The following SLC22A15 variants were observed in gnomAD, a reference collection of about 807,000 sequenced individuals.
The protein encoded by SLC22A15 is flipt 1.
SLC22A15 carries 45 observed loss-of-function variants against 62.7 expected under a neutral mutation model. That is an observed-to-expected ratio of 0.72 (90% confidence interval 0.56 to 0.92). SLC22A15 has a LOEUF of 0.92. Among genes scored for constraint, SLC22A15 ranks in the 40% least tolerant of loss-of-function variants. The probability of loss-of-function intolerance (pLI) is 0.00; values close to 1 mark genes in which losing one functional copy is unlikely to be tolerated. For synonymous variants in SLC22A15, 264 were observed against 267.0 expected (o/e 0.99, Z 0.11); for missense variants, 622 against 665.6 (o/e 0.93, Z 0.72).
intron 3 of SLC22A15, among the ~76,000 whole-genome samples, chr1:116,020,481 G>A (rs1459255530): frequency 1.3e-4 from 20 of 151,494 alleles, no homozygotes; most frequent in Admixed American, 3.3e-4. Context: ...GTGTGAACCC[G>A]GGAGGCGGAG....
intron 8 of SLC22A15, among the ~76,000 whole-genome samples, chr1:116,053,659 G>T (rs574026226): frequency 7.4e-4 from 113 of 152,256 alleles, no homozygotes; most frequent in Non-Finnish European, 1.2e-3. Flanking sequence ...AGAGAGAAAG[G>T]TTGGGTTACC....
chr1:116,014,680 T>C (rs956981664), intron 2 of SLC22A15, among the ~76,000 whole-genome samples: 1 of 152,198 alleles, frequency 6.6e-6, no homozygotes, highest in African/African-American at 2.4e-5. Context: ...TAATACGAAA[T>C]TCATCACCTT....
At position 116,019,601 on chromosome 1, in the gene SLC22A15, G is replaced by C. The variant is rs1380495777; in HGVS notation, c.320G>C (p.Arg107Thr). 1 of 1,607,048 alleles carries C rather than the reference G, an allele frequency of 6.2e-7. No individual in the cohort carries two copies. The highest frequency in any genetic ancestry group is 8.5e-7 in the Non-Finnish European group (1 of 1,178,200). ...IASEWFLIAN[R>T]SYKVSAASSF... The stretch of plus-strand genomic sequence containing the variant: ...CTCTAGTGGTTTTTAATTGCCAACA[G>C]ATCCTACAAAGTCAGTGCAGCAAGC... The change falls in exon 3 of 12, where the codon AGA becomes ACA. Residue 107 changes from arginine (R) to threonine (T), a missense_variant. By Grantham distance (71) the Arg-to-Thr change is moderately conservative (BLOSUM62 -1). Transcript: ENST00000369503.
At chr1:116,034,364 G>A (rs1239202697) in intron 6 of SLC22A15, among the ~76,000 whole-genome samples, 1 of 152,128 alleles carries the variant, frequency 6.6e-6, no homozygotes, top group East Asian at 1.9e-4. Flanking sequence ...GTTTGAGGAA[G>A]CCCTGATTTG....
At chr1:116,030,138 C>G (rs1465760067) in intron 5 of SLC22A15, among the ~76,000 whole-genome samples, 1 of 152,158 alleles carries the variant, frequency 6.6e-6, no homozygotes, top group Non-Finnish European at 1.5e-5. Context: ...GGCCTTTGTT[C>G]CTGCTTTTGC....
chr1:116,066,374 G>A, intron 10 of SLC22A15, 146 bp from the exon 11 acceptor site: 5 of 624,804 alleles, frequency 8.0e-6, no homozygotes, highest in Non-Finnish European at 1.3e-5. Context: ...TCTTTATGTG[G>A]AAAGAAGTGG....
intron 2 of SLC22A15, among the ~76,000 whole-genome samples, chr1:116,009,130 C>T (rs146966404): frequency 6.6e-6 from 1 of 152,096 alleles, no homozygotes. Context: ...CTCAGAGCCC[C>T]GCAACCACCT....
At chr1:116,043,261 TA>T (rs1657837285) in intron 8 of SLC22A15, among the ~76,000 whole-genome samples, 1 of 152,044 alleles carries the variant, frequency 6.6e-6, no homozygotes, top group African/African-American at 2.4e-5. Context: ...CTGTCTCTAA[TA>T]AAAATACAAA....
intron 9 of SLC22A15, 57 bp from the exon 10 acceptor site, chr1:116,064,379 G>A (rs1658448762): frequency 2.3e-6 from 3 of 1,311,492 alleles, no homozygotes; most frequent in Non-Finnish European, 3.3e-6. Flanking sequence ...TGCCCCCCAA[G>A]GGTCTCTTAA....
At chr1:116,009,609 A>G (rs544494238) in intron 2 of SLC22A15, among the ~76,000 whole-genome samples, 7 of 152,296 alleles carry the variant, frequency 4.6e-5, no homozygotes, top group East Asian at 1.9e-4. Context: ...CCTTATTACA[A>G]TGAAGTGCAG....
At position 115,992,875 on chromosome 1, in the gene SLC22A15, T is replaced by C. The variant is rs137988726; in HGVS notation, c.300+632T>C. ...TCCTGACTCAGGTGATCCACCCACC[T>C]CGGCCTCCCAAAGTGCTGGGATTAC... On this transcript the variant is annotated intron_variant, in intron 2 of 11. Transcript: ENST00000369503. Among the ~76,000 whole-genome samples the C allele has an allele frequency of 9.3e-4, 142 of 152,256 alleles. No individual in the cohort carries two copies. In the East Asian group the frequency reaches 0.013, roughly 14 times the overall value.
At chr1:115,989,749 C>T (rs1161730480) in intron 1 of SLC22A15, among the ~76,000 whole-genome samples, 2 of 150,786 alleles carry the variant, frequency 1.3e-5, no homozygotes, top group Non-Finnish European at 2.9e-5. Flanking sequence ...CCATTGTACT[C>T]CAGCCTGGGT....
At chr1:115,994,180 A>C (rs150739950) in intron 2 of SLC22A15, among the ~76,000 whole-genome samples, 1 of 146,528 alleles carries the variant, frequency 6.8e-6, no homozygotes, top group South Asian at 2.1e-4. Flanking sequence ...CACCAGCCCC[A>C]CCACCACCAC....
intron 8 of SLC22A15, among the ~76,000 whole-genome samples, chr1:116,051,940 G>C (rs1658064581): frequency 6.6e-6 from 1 of 152,236 alleles, no homozygotes; most frequent in Non-Finnish European, 1.5e-5. Context: ...TGGCCGAATA[G>C]GAACAGCTCT....
chr1:116,060,620 C>T (rs925515086), intron 8 of SLC22A15, among the ~76,000 whole-genome samples: 2 of 152,134 alleles, frequency 1.3e-5, no homozygotes, highest in South Asian at 2.1e-4. Context: ...AGCATATGTG[C>T]GTATTTCTGT....
chr1:115,980,832 A>G (rs866957894), intron 1 of SLC22A15, among the ~76,000 whole-genome samples: 10 of 152,168 alleles, frequency 6.6e-5, no homozygotes, highest in African/African-American at 2.4e-4. Flanking sequence ...GCTTTTCCAT[A>G]TTAAATATTT....
chr1:115,980,639 C>T (rs1177107883), intron 1 of SLC22A15, among the ~76,000 whole-genome samples: 1 of 150,598 alleles, frequency 6.6e-6, no homozygotes, highest in African/African-American at 2.4e-5. Flanking sequence ...ATATTTGTTT[C>T]ATAAATATAT....
At chr1:116,032,858 T>A (rs2101450852) in intron 6 of SLC22A15, 1 of 154,704 alleles carries the variant, frequency 6.5e-6, no homozygotes, top group Non-Finnish European at 1.4e-5. Flanking sequence ...ACATAGACAG[T>A]CAGTCAACCT....
At chr1:115,988,287 A>G (rs1489982405) in intron 1 of SLC22A15, among the ~76,000 whole-genome samples, 1 of 152,122 alleles carries the variant, frequency 6.6e-6, no homozygotes, top group Non-Finnish European at 1.5e-5. Context: ...ATGTGGGTGA[A>G]TGTGTGCATG....
Sources: gnomAD v4.1 joint callset for allele counts (sites outside exome capture counted in the v4.1 genomes callset) on GRCh38, gnomAD v4.1.1 for gene constraint, MANE v1.5 for transcripts, NCBI Gene and HGNC (gene_info 2026-07-23, HGNC 2026-07-21) for gene names.